Variants in CBX1 observed in about 807,000 individuals in gnomAD.
CBX1 encodes the protein chromobox 1.
A neutral mutation model predicts 25.1 loss-of-function variants in CBX1; 10 were observed. The observed-to-expected ratio is 0.40, with a 90% CI of 0.25 to 0.68. The LOEUF (loss-of-function observed/expected upper bound fraction) is 0.68, where lower values mean the gene tolerates loss of function less well. Among genes scored for constraint, CBX1 ranks in the 30% least tolerant of loss-of-function variants. CBX1 has a pLI of 0.40. For missense variants in CBX1, 106 were observed against 218.5 expected (o/e 0.49, Z 3.25); for synonymous variants, 63 against 79.4 (o/e 0.79, Z 1.10).
At chr17:48,100,093 C>T (rs1349225587) in intron 1 of CBX1, among the ~76,000 whole-genome samples, 1 of 138,882 alleles carries the variant, frequency 7.2e-6, no homozygotes, top group Non-Finnish European at 1.5e-5. Context: ...GAGCCAAGAT[C>T]GCACCACTGC....
In CBX1 at chr17:48,070,191, C is replaced by T. The variant is rs1340905731; in HGVS notation, c.*1244G>A. The stretch of plus-strand genomic sequence containing the variant: ...ACGTAGCTCTAGATGCAAGTCTAGA[C>T]AATATCAAGAACTGATGGTTCTCAT... On this transcript the variant is annotated 3_prime_UTR_variant, in exon 5 of 5. Transcript: ENST00000225603. The T allele has an allele frequency of 6.6e-6, 1 of 152,646 alleles. No homozygotes were observed. Among genetic ancestry groups the T allele is most frequent in the Non-Finnish European group, 1.5e-5 (1 of 68,044 alleles). 9.5% of individuals were successfully genotyped at this position (152,646 alleles called of 1,614,324 possible). A position where few individuals can be genotyped will look rare whatever the true frequency, so the allele number is the denominator to read the frequency against.
chr17:48,091,535 C>CTTTTTTTTT (rs4053473), intron 1 of CBX1, among the ~76,000 whole-genome samples: 1 of 72,188 alleles, frequency 1.4e-5, no homozygotes, highest in African/African-American at 5.2e-5. Flanking sequence ...CCACCATGCC[C>CTTTTTTTTT]TTTTTTTTTT....
chr17:48,089,780 G>A (rs118114510), intron 1 of CBX1, among the ~76,000 whole-genome samples: 16,586 of 150,418 alleles, frequency 0.11, 976 homozygotes, highest in East Asian at 0.18. Context: ...CCGAGATCGT[G>A]TCACTGCACT....
intron 1 of CBX1, among the ~76,000 whole-genome samples, chr17:48,091,832 C>T (rs957088355): frequency 2.6e-5 from 4 of 151,928 alleles, no homozygotes; most frequent in Non-Finnish European, 4.4e-5. Context: ...CGTGAGCCAC[C>T]ACACCAGGCC....
chr17:48,101,288 C>A lies in CBX1; in HGVS notation c.-58G>T. 2 of 986,474 alleles carry A rather than the reference C, an allele frequency of 2.0e-6. No homozygotes were observed. The highest frequency in any genetic ancestry group is 9.0e-5 in the South Asian group (2 of 22,142). The allele number at this position is 986,474 out of a possible 1,614,324, so 61.1% of individuals were successfully genotyped here. ...CTCACCTCAGAGCAGCGCCCAAGAG[C>A]CCGAGAGGAATCGGTGCTGCGCTGC... On this transcript the variant is annotated 5_prime_UTR_variant, in exon 1 of 5. Coordinates refer to ENST00000225603, the MANE Select transcript of CBX1 (RefSeq NM_001127228.2).
intron 1 of CBX1, among the ~76,000 whole-genome samples, chr17:48,095,470 T>A (rs2063369067): frequency 6.6e-6 from 1 of 152,148 alleles, no homozygotes; most frequent in Non-Finnish European, 1.5e-5. Context: ...ACGCCTGTAA[T>A]CCCAGCTACC....
intron 4 of CBX1, among the ~76,000 whole-genome samples, chr17:48,072,975 A>G (rs2037639505): frequency 6.6e-6 from 1 of 151,972 alleles, no homozygotes; most frequent in Non-Finnish European, 1.5e-5. Flanking sequence ...TACAAAAATT[A>G]GCCAGGCATG....
intron 1 of CBX1, among the ~76,000 whole-genome samples, chr17:48,086,632 A>C (rs2063313251): frequency 6.6e-6 from 1 of 150,870 alleles, no homozygotes; most frequent in Non-Finnish European, 1.5e-5. Context: ...GAGGCAGGCA[A>C]ATTACCTGAG....
intron 1 of CBX1, among the ~76,000 whole-genome samples, chr17:48,098,001 G>A (rs1330162619): frequency 6.6e-6 from 1 of 152,146 alleles, no homozygotes; most frequent in African/African-American, 2.4e-5. Flanking sequence ...ATTTAAAACG[G>A]CCAGTTGCAC....
At chr17:48,094,398 C>T (rs2063361288) in intron 1 of CBX1, among the ~76,000 whole-genome samples, 1 of 151,800 alleles carries the variant, frequency 6.6e-6, no homozygotes, top group Non-Finnish European at 1.5e-5. Context: ...TGTGCCACTG[C>T]ACTCCAGCCT....
At chr17:48,084,355 A>G (rs1207726317) in intron 1 of CBX1, among the ~76,000 whole-genome samples, 1 of 147,938 alleles carries the variant, frequency 6.8e-6, no homozygotes, top group East Asian at 2.0e-4. Context: ...CTGGGATTAC[A>G]GGTGCGTGCC....
At chr17:48,082,907 C>G (rs1023001354) in intron 1 of CBX1, among the ~76,000 whole-genome samples, 1 of 146,904 alleles carries the variant, frequency 6.8e-6, no homozygotes, top group Admixed American at 6.7e-5. Flanking sequence ...GCTCTTGTCA[C>G]CCAGGCTGGA....
At chr17:48,082,098 C>T (rs1281676759) in intron 1 of CBX1, among the ~76,000 whole-genome samples, 2 of 151,978 alleles carry the variant, frequency 1.3e-5, no homozygotes, top group African/African-American at 2.4e-5. Context: ...AAAAAATAAT[C>T]AGCTGGGTGT....
At chr17:48,101,195 T>G in intron 1 of CBX1, 73 bp downstream of exon 1, 1 of 989,506 alleles carries the variant, frequency 1.0e-6, no homozygotes, top group Non-Finnish European at 1.2e-6. Context: ...GCGCGTTCCC[T>G]CACGCAGGGC....
At chr17:48,096,437 GA>G (rs2063375301) in intron 1 of CBX1, 1 of 920,876 alleles carries the variant, frequency 1.1e-6, no homozygotes, top group Non-Finnish European at 1.3e-6. Flanking sequence ...AAAGTGGTTA[GA>G]AAGCTAGACC....
intron 1 of CBX1, among the ~76,000 whole-genome samples, chr17:48,094,518 G>A (rs1188783840): frequency 1.3e-5 from 2 of 151,776 alleles, no homozygotes; most frequent in African/African-American, 4.8e-5. Context: ...GGATCCTTCA[G>A]GCTAGGAGTT....
chr17:48,076,215 CAAAT>C (rs751084981), intron 2 of CBX1, 37 bp from the exon 3 acceptor site: 1 of 1,471,224 alleles, frequency 6.8e-7, no homozygotes, highest in Non-Finnish European at 9.2e-7. Flanking sequence ...CACTTTCACT[CAAAT>C]AAGTATACTC....
chr17:48,077,433 G>GTTTTTTTTTTGTTTTT (rs2037686014), intron 1 of CBX1, among the ~76,000 whole-genome samples: 1 of 128,840 alleles, frequency 7.8e-6, no homozygotes, highest in Admixed American at 7.9e-5. Flanking sequence ...AATTTTTGTT[G>GTTTTTTTTTTGTTTTT]TTTTTTTTTT....
chr17:48,071,641 T>C, intron 4 of CBX1, 62 bp from the exon 5 acceptor site: 1 of 1,438,696 alleles, frequency 7.0e-7, no homozygotes. Context: ...CTAAGTTGGA[T>C]AACCCAGGGG....
Sources: gnomAD v4.1 joint callset for allele counts (sites outside exome capture counted in the v4.1 genomes callset) on GRCh38, gnomAD v4.1.1 for gene constraint, MANE v1.5 for transcripts, NCBI Gene and HGNC (gene_info 2026-07-23, HGNC 2026-07-21) for gene names.